Variants in ZNF737 observed in about 807,000 individuals in gnomAD.
ZNF737 encodes the protein zinc finger protein 737.
In ZNF737, 13 loss-of-function variants were observed where a neutral mutation model predicts 11.7. That is an observed-to-expected ratio of 1.11 (90% confidence interval 0.73 to 1.77). The LOEUF is 1.77. Ranked by LOEUF, ZNF737 falls within the 40% of genes most tolerant of loss-of-function variation. ZNF737 has a pLI of 0.00. For synonymous variants in ZNF737, 217 were observed against 216.2 expected (o/e 1.00, Z -0.03); for missense variants, 636 against 638.0 (o/e 1.00, Z 0.03).
chr19:20,550,630 C>G (rs782582362), intron 3 of ZNF737, among the ~76,000 whole-genome samples: 1 of 152,144 alleles, frequency 6.6e-6, no homozygotes, highest in African/African-American at 2.4e-5. Flanking sequence ...TGACTCACAC[C>G]TGTAATGACA....
chr19:20,531,834 A>G (rs1460703530), downstream of ZNF737, among the ~76,000 whole-genome samples: 5 of 150,220 alleles, frequency 3.3e-5, no homozygotes, highest in South Asian at 2.2e-4. Flanking sequence ...ATAAATATAC[A>G]TAGGGAGATA....
rs560693513 is a variant in ZNF737, at chr19:20,541,442, ATTTTAT to A, written c.*3144_*3149del. The A allele has an allele frequency of 1.7e-4, 162 of 967,168 alleles. 1 individual carries two copies. In the African/African-American group the frequency reaches 2.7e-3, roughly 16 times the overall value. The allele number at this position is 967,168 out of a possible 1,614,324, so 59.9% of individuals were successfully genotyped here. On this transcript the variant is annotated 3_prime_UTR_variant, in exon 4 of 4. Coordinates refer to ENST00000427401, the MANE Select transcript of ZNF737 (RefSeq NM_001159293.2). ...TTTTTCAGGACTCAGAAATGTATGG[ATTTTAT>A]TTTTATTTTATTTTTTGAGATGGAG...
At position 20,543,710 on chromosome 19, in the gene ZNF737, G is replaced by T. The variant is rs1599403456; in HGVS notation, c.*882C>A. On this transcript the variant is annotated 3_prime_UTR_variant, in exon 4 of 4. Coordinates refer to ENST00000427401, the MANE Select transcript of ZNF737 (RefSeq NM_001159293.2). ...TTGTCACATTTTATATATTTCTAGG[G>T]TTTCACACTAGTATAATTATTGTTA... is the stretch of plus-strand genomic sequence containing the variant. 1.0e-5 allele frequency: 10 copies of T among 985,334 alleles called. No individual in the cohort carries two copies. The highest frequency in any genetic ancestry group is 1.2e-5 in the Non-Finnish European group (10 of 829,882). The allele number at this position is 985,334 out of a possible 1,614,324, so 61.0% of individuals were successfully genotyped here.
Position 20,544,442 on chromosome 19 carries a change from G to C in ZNF737, c.*150C>G. 6.8e-7 allele frequency: 1 copy of C among 1,468,600 alleles called. No homozygotes were observed. The highest frequency in any genetic ancestry group is 1.4e-5 in the African/African-American group (1 of 70,466). 91.0% of individuals were successfully genotyped at this position (1,468,600 alleles called of 1,614,324 possible). A position where few individuals can be genotyped will look rare whatever the true frequency, so the allele number is the denominator to read the frequency against. ...TTCTTATTTGTTGGGTTTCTTTCCC[G>C]CATGAATTATCTAATGTCTACTAAG... On this transcript the variant is annotated 3_prime_UTR_variant, in exon 4 of 4. Coordinates refer to ENST00000427401, the MANE Select transcript of ZNF737 (RefSeq NM_001159293.2).
At chr19:20,533,710 C>T (rs1258178519), downstream of ZNF737, among the ~76,000 whole-genome samples, 4 of 150,024 alleles carry the variant, frequency 2.7e-5, no homozygotes, top group African/African-American at 9.8e-5. Flanking sequence ...AAATAAGGCC[C>T]TGCATTTCTT....
downstream of ZNF737, among the ~76,000 whole-genome samples, chr19:20,536,450 C>T (rs534960379): frequency 1.5e-4 from 23 of 152,220 alleles, no homozygotes; most frequent in Non-Finnish European, 2.9e-4. Context: ...TCAATGCCTC[C>T]TTCACTTTAT....
rs782702808 is a variant in ZNF737 at position 20,545,261 on chromosome 19, T to C, written c.942A>G (p.Lys314=). 1.2e-6 allele frequency: 2 copies of C among 1,613,290 alleles called. No homozygotes were observed. Among genetic ancestry groups the C allele is most frequent in the Non-Finnish European group, 1.7e-6 (2 of 1,179,704 alleles). ...TAAAGGCTTTGCCACATTCTTCACA[T>C]TTGTAGGGTTTCTCTCCGCTATGAA... ...KIIHSGEKPY[K]CEECGKAFKH... is the part of the protein sequence containing the mutation. The change falls in exon 4 of 4, where the codon AAA becomes AAG. Residue 314 remains lysine (K), a synonymous_variant. Transcript: ENST00000427401.
the ZNF737 span, among the ~76,000 whole-genome samples, chr19:20,530,605 C>G: frequency 6.9e-6 from 1 of 144,848 alleles, no homozygotes; most frequent in Admixed American, 6.8e-5. Flanking sequence ...GTGGCCGGGC[C>G]GAGGTGCTCC....
At chr19:20,563,614 T>C (rs1310709122) in intron 1 of ZNF737, among the ~76,000 whole-genome samples, 1 of 151,672 alleles carries the variant, frequency 6.6e-6, no homozygotes, top group Non-Finnish European at 1.5e-5. Flanking sequence ...GCCTCCCATG[T>C]TGTTGGGAAT....
chr19:20,555,914 T>C (rs897508239), intron 1 of ZNF737, among the ~76,000 whole-genome samples: 9 of 152,206 alleles, frequency 5.9e-5, no homozygotes, highest in Non-Finnish European at 1.3e-4. Flanking sequence ...ATCTTGAGAA[T>C]ATGCCTTTAA....
chr19:20,546,073 A>T, intron 3 of ZNF737, 97 bp from the exon 4 acceptor site: 1 of 1,365,326 alleles, frequency 7.3e-7, no homozygotes, highest in Non-Finnish European at 9.8e-7. Context: ...CTACATAAGC[A>T]AGATGACACA....
chr19:20,552,741 C>T (rs763861536), intron 2 of ZNF737, among the ~76,000 whole-genome samples, 171 bp from the exon 3 acceptor site: 1 of 151,740 alleles, frequency 6.6e-6, no homozygotes, highest in Non-Finnish European at 1.5e-5. Flanking sequence ...TTGCCAGGTG[C>T]AGTTACTCAC....
rs529811628 is a variant in ZNF737, at chr19:20,544,932, G to C, written c.1271C>G (p.Pro424Arg). Residue 424 changes from proline to arginine, a missense_variant, in exon 4 of 4, where the codon CCC (proline) becomes CGC (arginine). Coordinates refer to ENST00000427401, the MANE Select transcript of ZNF737 (RefSeq NM_001159293.2). ...CTTGCCACATTCTTCACACTTGAAG[G>C]GTTGCTGTCCAGTATGGATTATCTT... ...THKIIHTGQQ[P>R]FKCEECGKAF... The C allele has an allele frequency of 1.2e-6, 2 of 1,612,670 alleles. No individual in the cohort carries two copies. Among genetic ancestry groups the C allele is most frequent in the East Asian group, 4.5e-5 (2 of 44,764 alleles).
In ZNF737 at chr19:20,545,773, T is replaced by C. The variant is rs1425124231; in HGVS notation, c.430A>G (p.Ile144Val). Reference sequence around the variant, plus strand: ...TTCACATATTTATCACACTGAAATATTTTGCTTTGAGTAGTTGTCAAATAT... The same window carrying C: ...TTCACATATTTATCACACTGAAATACTTTGCTTTGAGTAGTTGTCAAATAT... ...NQYLTTTQSK[I>V]FQCDKYVKVI... is the part of the protein sequence containing the mutation. The change falls in exon 4 of 4, where the codon ATA becomes GTA. Residue 144 changes from isoleucine (I) to valine (V), a missense_variant. Transcript: ENST00000427401. The C allele has an allele frequency of 6.2e-7, 1 of 1,613,224 alleles. No homozygotes were observed. The highest frequency in any genetic ancestry group is 8.5e-7 in the Non-Finnish European group (1 of 1,179,732).
chr19:20,560,471 A>G (rs1969050441), intron 1 of ZNF737, among the ~76,000 whole-genome samples: 1 of 152,132 alleles, frequency 6.6e-6, no homozygotes, highest in South Asian at 2.1e-4. Flanking sequence ...GAAGCTGGAG[A>G]CCATCATTCT....
downstream of ZNF737, among the ~76,000 whole-genome samples, chr19:20,535,479 ATAT>A (rs1481859300): frequency 6.6e-6 from 1 of 151,932 alleles, no homozygotes; most frequent in Non-Finnish European, 1.5e-5. Context: ...AACCTGAAAG[ATAT>A]TATGTTAAGT....
Position 20,545,888 on chromosome 19 carries a change from G to A in ZNF737, c.315C>T (p.Asn105=), listed in dbSNP as rs372765472. The change falls in exon 4 of 4, where the codon AAC becomes AAT. Residue 105 remains asparagine (N), a synonymous_variant. Coordinates refer to ENST00000427401, the MANE Select transcript of ZNF737 (RefSeq NM_001159293.2). Reference sequence around the variant, plus strand: ...TAAACTGTAAATTGTCATGTCCATAGTTTTCATATCTTCTCAGTGTCACTT... The same window carrying A: ...TAAACTGTAAATTGTCATGTCCATAATTTTCATATCTTCTCAGTGTCACTT... ...FQKVTLRRYE[N]YGHDNLQFKK... 7.5e-3 allele frequency: 12,092 copies of A among 1,611,278 alleles called. 62 individuals are homozygous for A. Among genetic ancestry groups the A allele is most frequent in the Non-Finnish European group, 8.9e-3 (10,437 of 1,179,166 alleles).
At chr19:20,563,791 G>A (rs1969195703) in intron 1 of ZNF737, among the ~76,000 whole-genome samples, 1 of 152,092 alleles carries the variant, frequency 6.6e-6, no homozygotes, top group Non-Finnish European at 1.5e-5. Flanking sequence ...TGGCTAAGGT[G>A]CTTGCATGTG....
chr19:20,558,911 C>A (rs2144686830), intron 1 of ZNF737, among the ~76,000 whole-genome samples: 1 of 152,288 alleles, frequency 6.6e-6, no homozygotes, highest in South Asian at 2.1e-4. Context: ...AGATTTTTGA[C>A]AAAGCTGACA....
Sources: allele counts gnomAD v4.1 joint callset (sites outside exome capture counted in the v4.1 genomes callset), GRCh38; gene constraint gnomAD v4.1.1; transcripts MANE v1.5; gene names NCBI Gene and HGNC (gene_info 2026-07-23, HGNC 2026-07-21).